Variants in CSMD1 observed in about 807,000 individuals in gnomAD.
CSMD1 encodes the protein CUB and Sushi multiple domains 1, also known as CUB and sushi domain-containing protein 1.
CSMD1 carries 213 observed loss-of-function variants against 417.5 expected under a neutral mutation model. The ratio of observed to expected loss-of-function variants is 0.51; its 90% CI spans 0.46 to 0.57. The LOEUF is 0.57. Among genes scored for constraint, CSMD1 ranks in the 20% least tolerant of loss-of-function variants. The probability of loss-of-function intolerance (pLI) is 0.00; values close to 1 mark genes in which losing one functional copy is unlikely to be tolerated. For missense variants in CSMD1, 6,923 were observed against 4,529.7 expected (o/e 1.53, Z -15.17); for synonymous variants, 2,862 against 1,736.8 (o/e 1.65, Z -16.11).
Position 3,193,445 on chromosome 8 carries a change from G to A in CSMD1, c.5195-3330C>T, listed in dbSNP as rs763560058. Among the ~76,000 whole-genome samples the A allele has an allele frequency of 1.2e-4, 18 of 152,156 alleles. 1 individual carries two copies. Among genetic ancestry groups the A allele is most frequent in the Admixed American group, 9.8e-4 (15 of 15,276 alleles). On this transcript the variant is annotated intron_variant, in intron 33 of 69. Transcript: ENST00000635120. ...GAAGCTGTGGAATTGAGACATCACA[G>A]CTCCACGGAACGTCTGGGAAGCGGG...
chr8:4,398,894 TA>T (rs1319098276), intron 3 of CSMD1, among the ~76,000 whole-genome samples: 2 of 152,180 alleles, frequency 1.3e-5, no homozygotes, highest in African/African-American at 4.8e-5. Flanking sequence ...CAATAAAAAA[TA>T]AAAGTCTCTA....
intron 2 of CSMD1, among the ~76,000 whole-genome samples, chr8:4,459,633 C>G (rs1487374719): frequency 6.6e-6 from 1 of 152,172 alleles, no homozygotes; most frequent in East Asian, 1.9e-4. Flanking sequence ...TGGGTTAGAA[C>G]AAACCTCAAA....
At chr8:3,590,575 T>C (rs1024771674) in intron 8 of CSMD1, among the ~76,000 whole-genome samples, 1 of 152,180 alleles carries the variant, frequency 6.6e-6, no homozygotes, top group Non-Finnish European at 1.5e-5. Flanking sequence ...GAGTACAGTA[T>C]AGAACACATT....
At chr8:4,234,992 C>G (rs1801959706) in intron 3 of CSMD1, among the ~76,000 whole-genome samples, 1 of 152,136 alleles carries the variant, frequency 6.6e-6, no homozygotes, top group Non-Finnish European at 1.5e-5. Flanking sequence ...AATTTTATCC[C>G]AAAAGCTCTA....
At chr8:3,524,880 C>G (rs943010639) in intron 10 of CSMD1, among the ~76,000 whole-genome samples, 2 of 143,012 alleles carry the variant, frequency 1.4e-5, no homozygotes, top group African/African-American at 5.7e-5. Context: ...TATTTAAGAA[C>G]AAATTTTTGG....
intron 5 of CSMD1, among the ~76,000 whole-genome samples, chr8:3,970,959 C>T (rs527482102): frequency 1.3e-5 from 2 of 152,144 alleles, no homozygotes; most frequent in Admixed American, 1.3e-4. Context: ...CCATGTTGGC[C>T]GGGCTGGTCT....
chr8:4,379,423 G>C (rs773702591), intron 3 of CSMD1, among the ~76,000 whole-genome samples: 1 of 152,186 alleles, frequency 6.6e-6, no homozygotes, highest in Non-Finnish European at 1.5e-5. Context: ...GTGAGTTCCA[G>C]TAAAGCCTGC....
intron 2 of CSMD1, among the ~76,000 whole-genome samples, chr8:4,485,450 A>T (rs530067744): frequency 6.6e-6 from 1 of 152,252 alleles, no homozygotes; most frequent in South Asian, 2.1e-4. Context: ...ATGGATTCAC[A>T]AGTTCCTTCA....
At position 3,934,926 on chromosome 8, in the gene CSMD1, G is replaced by C. The variant is rs902127297; in HGVS notation, c.818+62977C>G. On this transcript the variant is annotated intron_variant, in intron 5 of 69. Transcript: ENST00000635120. ...TCCAAGAAGAACATTATAAGTACGG[G>C]AGTAGAGGGCATATAAAAGTAATAT... 5.3e-5 allele frequency among the ~76,000 whole-genome samples: 8 copies of C among 152,052 alleles called. No individual in the cohort carries two copies. The South Asian group carries it at 6.2e-4, about 12-fold the overall frequency.
At chr8:4,345,524 C>T (rs886394910) in intron 3 of CSMD1, among the ~76,000 whole-genome samples, 7 of 151,988 alleles carry the variant, frequency 4.6e-5, no homozygotes, top group South Asian at 2.1e-4. Flanking sequence ...GAAGAGACAA[C>T]ATGCAGAATG....
chr8:3,842,182 G>C (rs942145034), intron 5 of CSMD1, among the ~76,000 whole-genome samples: 3 of 152,068 alleles, frequency 2.0e-5, no homozygotes, highest in Non-Finnish European at 4.4e-5. Context: ...CGTTTTCCTA[G>C]CATCATTGTA....
chr8:4,321,543 G>C (rs1040432918), intron 3 of CSMD1, among the ~76,000 whole-genome samples: 13 of 152,072 alleles, frequency 8.5e-5, no homozygotes, highest in African/African-American at 2.7e-4. Context: ...TGAGTATCTG[G>C]TATATCACAG....
chr8:4,788,615 G>GA, intron 1 of CSMD1: 2 of 920,576 alleles, frequency 2.2e-6, no homozygotes, highest in Non-Finnish European at 3.3e-6. Flanking sequence ...ATTTTTAGGG[G>GA]AAAAACTACA....
intron 26 of CSMD1, among the ~76,000 whole-genome samples, chr8:3,270,011 C>A (rs1037715129): frequency 6.7e-6 from 1 of 150,222 alleles, no homozygotes; most frequent in Admixed American, 6.7e-5. Context: ...AGACATGAAG[C>A]ATGGAAGATG....
At chr8:4,423,186 A>C (rs887627145) in intron 2 of CSMD1, among the ~76,000 whole-genome samples, 1 of 152,122 alleles carries the variant, frequency 6.6e-6, no homozygotes, top group Non-Finnish European at 1.5e-5. Context: ...TTCTTATTCA[A>C]TATCGTGCTG....
intron 54 of CSMD1, 47 bp downstream of exon 54, chr8:2,997,964 T>C (rs1030288269): frequency 6.3e-7 from 1 of 1,579,304 alleles, no homozygotes; most frequent in Non-Finnish European, 8.6e-7. Context: ...CTGGGCAGCC[T>C]AGAACACTCT....
chr8:4,288,131 G>C (rs917157826), intron 3 of CSMD1, among the ~76,000 whole-genome samples: 2 of 152,130 alleles, frequency 1.3e-5, no homozygotes, highest in Non-Finnish European at 2.9e-5. Context: ...TGTTCCTGCA[G>C]CATTAAAGTT....
rs9987080 is a variant in CSMD1 at position 3,419,755 on chromosome 8, C to G, written c.1562-10150G>C. Among the ~76,000 whole-genome samples the G allele has an allele frequency of 8.5e-3, 1,289 of 152,256 alleles. 17 individuals are homozygous for G. Among genetic ancestry groups the G allele is most frequent in the African/African-American group, 0.029 (1,220 of 41,542 alleles). ...CATGTCAAGAAAAAAATCTGCATAT[C>G]TAGATTCATTAAAAGAAATAATCTT... On this transcript the variant is annotated intron_variant, in intron 12 of 69. Transcript: ENST00000635120.
chr8:4,383,418 C>T (rs1438211), intron 3 of CSMD1, among the ~76,000 whole-genome samples: 127,910 of 152,158 alleles, frequency 0.84, 54,179 homozygotes, highest in African/African-American at 0.93. Context: ...GCCTCATTTC[C>T]GTTAAGTCCA....
Sources: allele counts gnomAD v4.1 joint callset (sites outside exome capture counted in the v4.1 genomes callset), GRCh38; gene constraint gnomAD v4.1.1; transcripts MANE v1.5; gene names NCBI Gene and HGNC (gene_info 2026-07-23, HGNC 2026-07-21).